Variants in IFTAP observed in about 807,000 individuals in gnomAD.
IFTAP encodes the protein intraflagellar transport-associated protein.
Under a neutral mutation model 19.4 loss-of-function variants are expected in IFTAP, and 19 were observed. The ratio of observed to expected loss-of-function variants is 0.98; its 90% CI spans 0.68 to 1.44. The LOEUF is 1.44. Among genes scored for constraint, IFTAP ranks in the 40% most tolerant of loss-of-function variants. The probability of loss-of-function intolerance (pLI) is 0.00; values close to 1 mark genes in which losing one functional copy is unlikely to be tolerated. For missense variants in IFTAP, 240 were observed against 253.6 expected, an observed-to-expected ratio of 0.95 and a Z score of 0.36; for synonymous variants, 85 against 83.5, an observed-to-expected ratio of 1.02 and a Z score of -0.10.
intron 2 of IFTAP, among the ~76,000 whole-genome samples, chr11:36,622,800 T>C (rs114428825): frequency 0.013 from 2,015 of 152,242 alleles, 58 homozygotes; most frequent in African/African-American, 0.046. Context: ...AATGTAAATA[T>C]AAAAAATGTA....
intron 2 of IFTAP, among the ~76,000 whole-genome samples, chr11:36,627,756 A>G (rs1212781080): frequency 1.3e-5 from 2 of 151,072 alleles, no homozygotes; most frequent in African/African-American, 4.9e-5. Flanking sequence ...TGGGATGGGT[A>G]TGTGTGGCCT....
chr11:36,596,440 A>G (rs1157671243), intron 1 of IFTAP, among the ~76,000 whole-genome samples: 2 of 152,130 alleles, frequency 1.3e-5, no homozygotes, highest in African/African-American at 4.8e-5. Flanking sequence ...TCAGTTGTAT[A>G]TTCAGCAAAC....
chr11:36,636,013 C>A, intron 3 of IFTAP, 38 bp from the exon 4 acceptor site: 1 of 1,431,654 alleles, frequency 7.0e-7, no homozygotes, highest in South Asian at 1.2e-5. Flanking sequence ...TTCTTTAGGT[C>A]TATTCTGCTT....
intron 3 of IFTAP, 70 bp from the exon 4 acceptor site, chr11:36,635,981 C>T (rs530483709): frequency 1.7e-5 from 17 of 984,958 alleles, no homozygotes; most frequent in Admixed American, 9.5e-5. Context: ...GAAGTGGATT[C>T]GTTGACTTTT....
At chr11:36,642,516 C>T (rs1853263352) in intron 4 of IFTAP, among the ~76,000 whole-genome samples, 1 of 152,286 alleles carries the variant, frequency 6.6e-6, no homozygotes, top group East Asian at 1.9e-4. Flanking sequence ...ATGAGACCAG[C>T]ATGATCCTGA....
intron 4 of IFTAP, among the ~76,000 whole-genome samples, chr11:36,637,570 A>G (rs1853004472): frequency 6.6e-6 from 1 of 152,146 alleles, no homozygotes; most frequent in African/African-American, 2.4e-5. Flanking sequence ...CTTGTTAAAA[A>G]TGCAGATTTC....
chr11:36,643,379 C>T (rs148817685), intron 4 of IFTAP, among the ~76,000 whole-genome samples: 1,821 of 152,262 alleles, frequency 0.012, 22 homozygotes, highest in East Asian at 0.031. Context: ...ACATTCCATG[C>T]TCAAGGATAG....
intron 5 of IFTAP, among the ~76,000 whole-genome samples, chr11:36,652,948 A>C (rs1482811118): frequency 6.6e-6 from 1 of 152,098 alleles, no homozygotes; most frequent in African/African-American, 2.4e-5. Context: ...TTCTGTAGAC[A>C]GAACAAAGAG....
intron 2 of IFTAP, among the ~76,000 whole-genome samples, chr11:36,618,113 C>A (rs1460106131): frequency 1.3e-5 from 2 of 151,914 alleles, no homozygotes; most frequent in Non-Finnish European, 2.9e-5. Context: ...AGTTAGGTAG[C>A]TTGCTATTGT....
At chr11:36,626,635 C>T (rs16929212) in intron 2 of IFTAP, among the ~76,000 whole-genome samples, 1 of 151,200 alleles carries the variant, frequency 6.6e-6, no homozygotes, top group African/African-American at 2.5e-5. Flanking sequence ...TGGGAATAGA[C>T]AAGCAATGAA....
At chr11:36,635,153 C>A (rs1590221775) in intron 3 of IFTAP, among the ~76,000 whole-genome samples, 1 of 152,046 alleles carries the variant, frequency 6.6e-6, no homozygotes, top group African/African-American at 2.4e-5. Context: ...AAAGACCCAG[C>A]CTGTCTTTTG....
At chr11:36,611,926 G>A (rs1462472379) in intron 2 of IFTAP, among the ~76,000 whole-genome samples, 1 of 151,968 alleles carries the variant, frequency 6.6e-6, no homozygotes, top group Non-Finnish European at 1.5e-5. Flanking sequence ...TGGCTGTGGT[G>A]GGGTGGTGGA....
At chr11:36,610,314 C>A in intron 2 of IFTAP, 75 bp downstream of exon 2, 7 of 1,341,366 alleles carry the variant, frequency 5.2e-6, no homozygotes, top group Non-Finnish European at 7.1e-6. Flanking sequence ...TTTGCTGCCT[C>A]TTGAGAAAGA....
intron 2 of IFTAP, among the ~76,000 whole-genome samples, chr11:36,633,072 T>G (rs73437975): frequency 0.098 from 14,763 of 151,160 alleles, 1,259 homozygotes; most frequent in African/African-American, 0.16. Flanking sequence ...AGGCACTCAA[T>G]AAATATATGT....
Position 36,628,433 on chromosome 11 carries a change from A to G in IFTAP, c.137-4851A>G, listed in dbSNP as rs552623356. ...AAGCCTTTTGTGATTCTGCCAAACC[A>G]ATTATGATTTTACCATTCTTTGTGT... is the stretch of plus-strand genomic sequence containing the variant. On this transcript the variant is annotated intron_variant, in intron 2 of 5. Coordinates refer to ENST00000334307, the MANE Select transcript of IFTAP (RefSeq NM_138787.4). Among the ~76,000 whole-genome samples the G allele has an allele frequency of 2.3e-4, 35 of 151,162 alleles. 1 individual carries two copies. The South Asian group carries it at 7.1e-3, about 30-fold the overall frequency.
chr11:36,659,047 C>T lies in IFTAP; in HGVS notation c.527C>T (p.Ser176Leu). The stretch of plus-strand genomic sequence containing the variant: ...CTTGGAGATGAAGTTCAACTTTTTT[C>T]ACTTGATGAAGAATTTGATTATGAC... Reference protein sequence around the residue: ...EILGDEVQLFSLDEEFDYDNV... With the variant: ...EILGDEVQLFLLDEEFDYDNV... The change falls in exon 6 of 6, where the codon TCA becomes TTA. Residue 176 changes from serine (S) to leucine (L), a missense_variant. Physicochemically the swap from Ser to Leu is moderately radical, Grantham distance 145 (BLOSUM62 -2). Transcript: ENST00000334307. The T allele has an allele frequency of 6.3e-7, 1 of 1,597,796 alleles. No homozygotes were observed. The highest frequency in any genetic ancestry group is 8.5e-7 in the Non-Finnish European group (1 of 1,172,932).
intron 2 of IFTAP, among the ~76,000 whole-genome samples, chr11:36,619,474 C>T (rs1852218997): frequency 6.6e-6 from 1 of 151,916 alleles, no homozygotes; most frequent in Admixed American, 6.6e-5. Flanking sequence ...ATATAGAAAG[C>T]AGCTGTCCCT....
chr11:36,629,887 T>A (rs1315671779), intron 2 of IFTAP, among the ~76,000 whole-genome samples: 28 of 151,426 alleles, frequency 1.8e-4, no homozygotes, highest in Admixed American at 1.8e-3. Flanking sequence ...ATTGAAGTTT[T>A]GACTCAGAAA....
In IFTAP at chr11:36,633,495, G is replaced by T; in HGVS notation, c.291+57G>T. 5 of 1,322,646 alleles carry T rather than the reference G, an allele frequency of 3.8e-6. No homozygotes were observed. In the South Asian group the frequency reaches 8.2e-5, roughly 22 times the overall value. 81.9% of individuals were successfully genotyped at this position (1,322,646 alleles called of 1,614,324 possible). On this transcript the variant is annotated intron_variant, in intron 3 of 5. Transcript: ENST00000334307. ...ATCTCAGAAGAAAAGAATTCTTCAT[G>T]AATCAAAAAAAAGAGACCCTACTAA... is the stretch of plus-strand genomic sequence containing the variant.
Sources: gnomAD v4.1 joint callset for allele counts (sites outside exome capture counted in the v4.1 genomes callset) on GRCh38, gnomAD v4.1.1 for gene constraint, MANE v1.5 for transcripts, NCBI Gene and HGNC (gene_info 2026-07-23, HGNC 2026-07-21) for gene names.